Variants in MSN observed in about 807,000 individuals in gnomAD.
MSN encodes epididymis luminal protein 70.
A neutral mutation model predicts 48.0 loss-of-function variants in MSN; 2 were observed. The observed-to-expected ratio is 0.04, with a 90% CI of 0.02 to 0.13. The LOEUF is 0.13. Among genes scored for constraint, MSN ranks in the 10% least tolerant of loss-of-function variants. The probability of loss-of-function intolerance (pLI) is 1.00; values close to 1 mark genes in which losing one functional copy is unlikely to be tolerated. For synonymous variants in MSN, 146 were observed against 166.9 expected (o/e 0.87, Z 0.97); for missense variants, 267 against 470.1 (o/e 0.57, Z 3.99).
intron 1 of MSN, among the ~76,000 whole-genome samples, chrX:65,600,309 G>C (rs1312215439): frequency 9.9e-5 from 11 of 111,426 alleles, no homozygotes. Context: ...ATATGCATCT[G>C]TGTATGGATG....
At chrX:65,738,901 G>A in intron 11 of MSN, 69 bp from the exon 12 acceptor site, 4 of 1,099,164 alleles carry the variant, frequency 3.6e-6, no homozygotes, top group Non-Finnish European at 5.0e-6. Flanking sequence ...GACCGTTCTA[G>A]GCATATACAG....
chrX:65,709,111 T>G (rs1207403927), intron 1 of MSN, among the ~76,000 whole-genome samples: 1 of 112,514 alleles, frequency 8.9e-6, no homozygotes, highest in East Asian at 2.8e-4. Context: ...AGTGATGCAG[T>G]AAACACGAGG....
At chrX:65,653,354 G>C (rs1419986938) in intron 1 of MSN, among the ~76,000 whole-genome samples, 1 of 111,172 alleles carries the variant, frequency 9.0e-6, no homozygotes, top group Non-Finnish European at 1.9e-5. Flanking sequence ...TACATGGCTA[G>C]GCTGAATATA....
At chrX:65,629,434 T>C (rs2070536643) in intron 1 of MSN, among the ~76,000 whole-genome samples, 1 of 112,322 alleles carries the variant, frequency 8.9e-6, no homozygotes, top group African/African-American at 3.2e-5. Context: ...CTCTGCCTGT[T>C]ACCCAGTTCC....
chrX:65,664,176 T>C (rs1178758454), upstream of MSN, among the ~76,000 whole-genome samples: 3 of 111,529 alleles, frequency 2.7e-5, no homozygotes, highest in Admixed American at 9.5e-5. Context: ...AGTAGCAACA[T>C]GGATGGAACA....
rs1249401479 is a variant in MSN, at chrX:65,741,207, A to G, written c.*1314A>G. On this transcript the variant is annotated 3_prime_UTR_variant, in exon 13 of 13. Coordinates refer to ENST00000360270, the MANE Select transcript of MSN (RefSeq NM_002444.3). Reference sequence around the variant, plus strand: ...TGGGGATTCTGGCCTAGTCCCTTCCACACCCCCACCCCTTGCTCTCAACCC... The same window carrying G: ...TGGGGATTCTGGCCTAGTCCCTTCCGCACCCCCACCCCTTGCTCTCAACCC... 2.4e-5 allele frequency: 4 copies of G among 168,206 alleles called. No individual in the cohort carries two copies. Among genetic ancestry groups the G allele is most frequent in the Non-Finnish European group, 4.5e-5 (4 of 88,192 alleles). 13.9% of individuals were successfully genotyped at this position (168,206 alleles called of 1,213,427 possible). A position where few individuals can be genotyped will look rare whatever the true frequency, so the allele number is the denominator to read the frequency against.
rs1240582009 is a variant in MSN at position 65,738,594 on chromosome X, G to C, written c.1321G>C (p.Glu441Gln). 8.3e-7 allele frequency: 1 copy of C among 1,207,147 alleles called. No individual in the cohort carries two copies. Among genetic ancestry groups the C allele is most frequent in the Non-Finnish European group, 1.1e-6 (1 of 893,657 alleles). The change falls in exon 11 of 13, where the codon GAG becomes CAG. Residue 441 changes from glutamate (E) to glutamine (Q), a missense_variant. Physicochemically the swap from Glu to Gln is conservative, Grantham distance 29. Transcript: ENST00000360270. ...LEMARQKKESEAVEWQQKAQM... is the reference protein window; with the variant it reads ...LEMARQKKESQAVEWQQKAQM... ...GATGGCCCGACAGAAGAAGGAGAGT[G>C]AGGCTGTGGAGTGGCAGCAGAAGGT... is the stretch of plus-strand genomic sequence containing the variant.
intron 1 of MSN, among the ~76,000 whole-genome samples, chrX:65,656,740 A>G (rs2070784311): frequency 9.0e-6 from 1 of 111,706 alleles, no homozygotes; most frequent in African/African-American, 3.3e-5. Flanking sequence ...CGAGGAGGGC[A>G]GGAAAGACCA....
intron 1 of MSN, among the ~76,000 whole-genome samples, chrX:65,591,554 C>G (rs961157618): frequency 8.9e-6 from 1 of 112,152 alleles, no homozygotes; most frequent in African/African-American, 3.2e-5. Context: ...ACTTTCCCTT[C>G]TTTCCTTTTG....
intron 1 of MSN, among the ~76,000 whole-genome samples, chrX:65,596,111 G>A (rs1200310556): frequency 9.0e-6 from 1 of 110,621 alleles, no homozygotes; most frequent in Non-Finnish European, 1.9e-5. Context: ...AAAGAGTTCA[G>A]AGAGGGAATC....
intron 10 of MSN, among the ~76,000 whole-genome samples, chrX:65,738,241 C>T (rs781742131): frequency 8.9e-6 from 1 of 112,101 alleles, no homozygotes; most frequent in Non-Finnish European, 1.9e-5. Flanking sequence ...CAGCTGCATA[C>T]TTGCCAAGAG....
chrX:65,631,143 T>A (rs769258735), intron 1 of MSN, among the ~76,000 whole-genome samples: 7 of 108,829 alleles, frequency 6.4e-5, no homozygotes, highest in African/African-American at 2.3e-4. Flanking sequence ...TTGCCCAGGC[T>A]GGAATGCAAT....
chrX:65,589,289 G>C (rs1325219142), intron 1 of MSN, among the ~76,000 whole-genome samples: 1 of 105,444 alleles, frequency 9.5e-6, no homozygotes, highest in African/African-American at 3.5e-5. Flanking sequence ...TTAGTCTGCA[G>C]TTGCCTGTCT....
chrX:65,683,399 A>ATG (rs1569461947), intron 1 of MSN, among the ~76,000 whole-genome samples: 2 of 86,172 alleles, frequency 2.3e-5, no homozygotes, highest in Admixed American at 1.3e-4. Context: ...CGCCGCCACC[A>ATG]CCACCACCAC....
chrX:65,702,039 T>G (rs191408978), intron 1 of MSN, among the ~76,000 whole-genome samples: 7 of 103,066 alleles, frequency 6.8e-5, no homozygotes, highest in Non-Finnish European at 9.9e-5. Context: ...GGAGTCTTCC[T>G]CTGTCGCCTG....
intron 1 of MSN, among the ~76,000 whole-genome samples, chrX:65,696,225 TCACA>T (rs111720807): frequency 4.7e-4 from 48 of 102,270 alleles, no homozygotes; most frequent in South Asian, 2.9e-3. Context: ...GCTTGCTCAT[TCACA>T]CACACACACA....
chrX:65,631,574 C>G (rs1435512829), intron 1 of MSN, among the ~76,000 whole-genome samples: 2 of 112,127 alleles, frequency 1.8e-5, no homozygotes, highest in Non-Finnish European at 3.8e-5. Context: ...ATAGTTCATT[C>G]CTTTTTACTG....
chrX:65,659,351 A>G (rs1444933897), intron 1 of MSN, among the ~76,000 whole-genome samples: 2 of 110,648 alleles, frequency 1.8e-5, no homozygotes, highest in African/African-American at 6.6e-5. Context: ...GATAGGGTTC[A>G]CCATTTTGGC....
At chrX:65,706,882 C>A (rs2071367220) in intron 1 of MSN, among the ~76,000 whole-genome samples, 2 of 111,795 alleles carry the variant, frequency 1.8e-5, no homozygotes, top group African/African-American at 6.5e-5. Context: ...AATGTTCATC[C>A]CCTCAGCTCG....
Sources: allele counts gnomAD v4.1 joint callset (sites outside exome capture counted in the v4.1 genomes callset), GRCh38; gene constraint gnomAD v4.1.1; transcripts MANE v1.5; gene names NCBI Gene and HGNC (gene_info 2026-07-23, HGNC 2026-07-21).